The following XPO7 variants were observed in gnomAD, a reference collection of about 807,000 sequenced individuals.
XPO7 encodes the protein exportin 7, also known as exportin-7.
In XPO7, 21 loss-of-function variants were observed where a neutral mutation model predicts 144.3. The observed-to-expected ratio is 0.15, with a 90% CI of 0.10 to 0.21. The LOEUF (loss-of-function observed/expected upper bound fraction) is 0.21. Ranked by LOEUF, XPO7 falls within the 10% of genes least tolerant of loss-of-function variation. The pLI is 1.00. For missense variants in XPO7, 808 were observed against 1,325.8 expected, an observed-to-expected ratio of 0.61 and a Z score of 6.06; for synonymous variants, 580 against 499.6, an observed-to-expected ratio of 1.16 and a Z score of -2.15.
chr8:21,931,594 G>C (rs1810652197), intron 1 of XPO7, among the ~76,000 whole-genome samples: 2 of 152,190 alleles, frequency 1.3e-5, no homozygotes, highest in Non-Finnish European at 2.9e-5. Flanking sequence ...AATGAAATAG[G>C]CATGCATTTA....
In XPO7 at chr8:22,005,190, C is replaced by T. The variant is rs978508887; in HGVS notation, c.*102C>T. The T allele has an allele frequency of 2.1e-5, 21 of 996,752 alleles. No homozygotes were observed. The highest frequency in any genetic ancestry group is 3.1e-5 in the Non-Finnish European group (21 of 687,648). The allele number at this position is 996,752 out of a possible 1,614,324, so 61.7% of individuals were successfully genotyped here. A position where few individuals can be genotyped will look rare whatever the true frequency, so the allele number is the denominator to read the frequency against. Reference sequence around the variant, plus strand: ...GGGCCTGGCTGATCCTGGCTCTTTTCTCCAGGGGTGTGGGGAAAATGGCAA... The same window carrying T: ...GGGCCTGGCTGATCCTGGCTCTTTTTTCCAGGGGTGTGGGGAAAATGGCAA... On this transcript the variant is annotated 3_prime_UTR_variant, in exon 28 of 28. Coordinates refer to ENST00000252512, the MANE Select transcript of XPO7 (RefSeq NM_015024.5).
chr8:21,938,449 T>C (rs987311831), intron 1 of XPO7, among the ~76,000 whole-genome samples: 45 of 152,350 alleles, frequency 3.0e-4, no homozygotes, highest in African/African-American at 1.1e-3. Flanking sequence ...GTAAGTTCTT[T>C]TTTAGTTCAT....
chr8:21,981,884 C>G lies in XPO7; in HGVS notation c.1104+7C>G. 6.2e-7 allele frequency: 1 copy of G among 1,611,626 alleles called. No individual in the cohort carries two copies. On this transcript the variant is annotated splice_region_variant and intron_variant, in intron 10 of 27. Transcript: ENST00000252512. ...CACAGTGACCAGCCTACAGGTTTGT[C>G]TTTGATTACTTGTGTCTTCCTTCCT...
At chr8:21,997,388 A>G (rs928401577) in intron 21 of XPO7, among the ~76,000 whole-genome samples, 3 of 152,224 alleles carry the variant, frequency 2.0e-5, no homozygotes, top group Non-Finnish European at 4.4e-5. Context: ...ATAGAGGGGA[A>G]TTGAAGGACA....
chr8:21,944,121 G>A (rs118188651), intron 1 of XPO7, among the ~76,000 whole-genome samples: 3,466 of 152,260 alleles, frequency 0.023, 60 homozygotes, highest in South Asian at 0.042. Context: ...ATACCCAAGA[G>A]TGGTAATCAG....
At chr8:22,003,145 A>T (rs1293888782) in intron 25 of XPO7, 74 bp from the exon 26 acceptor site, 1 of 1,192,482 alleles carries the variant, frequency 8.4e-7, no homozygotes, top group East Asian at 2.5e-5. Flanking sequence ...ATACTCCTGT[A>T]TTTGGAATCT....
At chr8:21,976,640 T>G in intron 7 of XPO7, 119 bp downstream of exon 7, 1 of 1,215,614 alleles carries the variant, frequency 8.2e-7, no homozygotes, top group Non-Finnish European at 1.1e-6. Context: ...GAGAAAAAAT[T>G]CTAACGTCTT....
intron 1 of XPO7, chr8:21,921,549 G>A (rs991492441): frequency 2.6e-5 from 4 of 152,092 alleles, no homozygotes; most frequent in Admixed American, 1.3e-4. Context: ...CCACATTTTC[G>A]AAGCATAAAG....
At chr8:22,002,563 T>G (rs1215101212) in intron 25 of XPO7, among the ~76,000 whole-genome samples, 1 of 152,206 alleles carries the variant, frequency 6.6e-6, no homozygotes, top group Non-Finnish European at 1.5e-5. Context: ...GCTCACCCAC[T>G]GCTATAAATA....
chr8:21,962,706 A>G (rs373598015), intron 1 of XPO7, among the ~76,000 whole-genome samples: 1 of 152,200 alleles, frequency 6.6e-6, no homozygotes, highest in East Asian at 1.9e-4. Flanking sequence ...GTATTCATCT[A>G]GGTTTTCTTC....
chr8:21,953,634 C>T (rs1176451937), intron 1 of XPO7, among the ~76,000 whole-genome samples: 1 of 152,192 alleles, frequency 6.6e-6, no homozygotes, highest in Non-Finnish European at 1.5e-5. Flanking sequence ...TGCATTCTCA[C>T]CAACAGTTCC....
intron 1 of XPO7, among the ~76,000 whole-genome samples, chr8:21,926,886 C>T (rs1337442556): frequency 2.0e-5 from 3 of 152,114 alleles, no homozygotes; most frequent in Non-Finnish European, 4.4e-5. Flanking sequence ...ATCTAAGGAT[C>T]CCTGCGAGGT....
At chr8:21,996,579 A>T (rs995902187) in intron 21 of XPO7, among the ~76,000 whole-genome samples, 77 of 152,318 alleles carry the variant, frequency 5.1e-4, no homozygotes, top group African/African-American at 1.8e-3. Context: ...TATGATAGAT[A>T]TTAGAATACC....
intron 11 of XPO7, among the ~76,000 whole-genome samples, chr8:21,983,979 C>G (rs978971392): frequency 6.6e-6 from 1 of 152,190 alleles, no homozygotes; most frequent in Admixed American, 6.5e-5. Context: ...GCCACAATGC[C>G]TTGTCTGCAA....
At chr8:21,986,135 CTTTTT>C (rs573860240) in intron 13 of XPO7, among the ~76,000 whole-genome samples, 3 of 132,272 alleles carry the variant, frequency 2.3e-5, no homozygotes, top group Admixed American at 7.7e-5. Flanking sequence ...TTTATCAAAA[CTTTTT>C]TTTTTTTTTT....
At chr8:21,994,098 C>G (rs959498845) in intron 19 of XPO7, among the ~76,000 whole-genome samples, 1 of 152,004 alleles carries the variant, frequency 6.6e-6, no homozygotes, top group Non-Finnish European at 1.5e-5. Flanking sequence ...AACGTATTTT[C>G]TTGGCAAAAC....
chr8:21,996,288 A>G (rs561660588), intron 21 of XPO7, among the ~76,000 whole-genome samples: 2 of 152,294 alleles, frequency 1.3e-5, no homozygotes, highest in African/African-American at 4.8e-5. Context: ...GGTGGCACAC[A>G]ACTGTAGTCC....
chr8:21,987,664 C>T, intron 14 of XPO7, 120 bp from the exon 15 acceptor site: 1 of 1,096,496 alleles, frequency 9.1e-7, no homozygotes, highest in Non-Finnish European at 1.3e-6. Flanking sequence ...TCAGTAAAGT[C>T]CTCTCTGGGA....
chr8:22,003,465 G>A, intron 26 of XPO7, 148 bp downstream of exon 26: 1 of 633,044 alleles, frequency 1.6e-6, no homozygotes, highest in Non-Finnish European at 2.7e-6. Context: ...TCCCATTTGT[G>A]CTTTCAGTAT....
Sources: allele counts gnomAD v4.1 joint callset (sites outside exome capture counted in the v4.1 genomes callset), GRCh38; gene constraint gnomAD v4.1.1; transcripts MANE v1.5; gene names NCBI Gene and HGNC (gene_info 2026-07-23, HGNC 2026-07-21).